Variants in SLCO3A1 observed in about 807,000 individuals in gnomAD.
The protein encoded by SLCO3A1 is PGE1 transporter.
In SLCO3A1, 27 loss-of-function variants were observed where a neutral mutation model predicts 63.1. The ratio of observed to expected loss-of-function variants is 0.43; its 90% CI spans 0.32 to 0.59. The LOEUF is 0.59. Ranked by LOEUF, SLCO3A1 falls within the 20% of genes least tolerant of loss-of-function variation. The pLI is 0.09. For missense variants in SLCO3A1, 773 were observed against 945.8 expected (o/e 0.82, Z 2.40); for synonymous variants, 473 against 409.9 (o/e 1.15, Z -1.86).
intron 2 of SLCO3A1, among the ~76,000 whole-genome samples, chr15:91,940,718 C>A (rs933883905): frequency 2.6e-5 from 4 of 152,142 alleles, no homozygotes; most frequent in African/African-American, 9.7e-5. Context: ...GAGTATTGAT[C>A]AGGGTTCAGG....
intron 4 of SLCO3A1, among the ~76,000 whole-genome samples, chr15:92,111,543 T>C (rs2151552461): frequency 6.6e-6 from 1 of 152,322 alleles, no homozygotes; most frequent in East Asian, 1.9e-4. Flanking sequence ...CATTCTGCCA[T>C]GTCACAGGAG....
intron 2 of SLCO3A1, among the ~76,000 whole-genome samples, chr15:92,016,258 A>ATAGATAGATAGAT (rs2046433257): frequency 1.6e-4 from 20 of 126,232 alleles, no homozygotes; most frequent in Admixed American, 3.9e-4. Context: ...GATAGATTAG[A>ATAGATAGATAGAT]TAGATAGATA....
At chr15:91,999,887 T>C (rs1376660728) in intron 2 of SLCO3A1, among the ~76,000 whole-genome samples, 7 of 152,176 alleles carry the variant, frequency 4.6e-5, no homozygotes, top group African/African-American at 1.4e-4. Context: ...TCGAAAACCA[T>C]AGATACAGGA....
In SLCO3A1 at chr15:91,875,185, A is replaced by G. The variant is rs188020396; in HGVS notation, c.180+21097A>G. 6.6e-6 allele frequency among the ~76,000 whole-genome samples: 1 copy of G among 152,336 alleles called. No homozygotes were observed. The highest frequency in any genetic ancestry group is 6.5e-5 in the Admixed American group (1 of 15,304). On this transcript the variant is annotated intron_variant, in intron 1 of 9. Transcript: ENST00000318445. The surrounding 1 kb of genome is among the most constrained non-coding windows in gnomAD (Gnocchi z 4.5). ...CAGTGATCTCTACCATTTACTGAGC[A>G]TCCGCTGTGTGTACCTGACACATGT...
At chr15:91,955,348 T>A (rs1900135845) in intron 2 of SLCO3A1, among the ~76,000 whole-genome samples, 1 of 140,780 alleles carries the variant, frequency 7.1e-6, no homozygotes, top group Admixed American at 7.4e-5. Flanking sequence ...TTTTTTTTTT[T>A]TTGAAACAGA....
chr15:92,096,226 C>T (rs1368750382), intron 3 of SLCO3A1, among the ~76,000 whole-genome samples: 1 of 152,240 alleles, frequency 6.6e-6, no homozygotes, highest in African/African-American at 2.4e-5. Context: ...ACTACCTCAC[C>T]GTGACACCCC....
chr15:91,986,698 G>C (rs999017640), intron 2 of SLCO3A1, among the ~76,000 whole-genome samples: 1 of 152,182 alleles, frequency 6.6e-6, no homozygotes, highest in Non-Finnish European at 1.5e-5. Flanking sequence ...GGCAGCCCCA[G>C]AGGGGATCAT....
chr15:92,073,044 C>A (rs1418375921), intron 2 of SLCO3A1, among the ~76,000 whole-genome samples: 2 of 152,146 alleles, frequency 1.3e-5, no homozygotes, highest in African/African-American at 4.8e-5. Context: ...GATCCCACCC[C>A]TTTCCCCCAT....
chr15:91,938,945 C>T (rs931549944), intron 2 of SLCO3A1, among the ~76,000 whole-genome samples: 2 of 152,180 alleles, frequency 1.3e-5, no homozygotes, highest in Middle Eastern at 3.2e-3. Context: ...ACTTTCTAAA[C>T]GTAGCTGGGA....
chr15:92,092,175 GA>G lies in SLCO3A1; in HGVS notation c.647-2705del, dbSNP rs531275144. ...CAACTGTACTGTCCCCAAGCATGGG[GA>G]TAACAGCACAGTCTCGATGCAACCC... is the stretch of plus-strand genomic sequence containing the variant. On this transcript the variant is annotated intron_variant, in intron 2 of 9. Transcript: ENST00000318445. 3.0e-4 allele frequency among the ~76,000 whole-genome samples: 45 copies of G among 152,248 alleles called. No individual in the cohort carries two copies. In the South Asian group the frequency reaches 9.3e-3, roughly 32 times the overall value.
intron 2 of SLCO3A1, among the ~76,000 whole-genome samples, chr15:91,917,511 C>G (rs751907303): frequency 6.6e-6 from 1 of 152,124 alleles, no homozygotes; most frequent in African/African-American, 2.4e-5. Flanking sequence ...TTGGAGTAGA[C>G]GCGTTTACTG....
At chr15:92,120,367 A>G (rs2047848838) in intron 4 of SLCO3A1, 98 bp from the exon 5 acceptor site, 1 of 1,274,860 alleles carries the variant, frequency 7.8e-7, no homozygotes, top group Non-Finnish European at 1.1e-6. Flanking sequence ...GAAATGGACA[A>G]GAGCGGGCCA....
At chr15:92,101,338 A>G (rs1469056493) in intron 3 of SLCO3A1, among the ~76,000 whole-genome samples, 2 of 152,054 alleles carry the variant, frequency 1.3e-5, no homozygotes, top group African/African-American at 2.4e-5. Context: ...GTGAAACCCC[A>G]TCTCTACCAA....
intron 2 of SLCO3A1, among the ~76,000 whole-genome samples, chr15:92,020,938 T>C (rs8043343): frequency 0.18 from 27,995 of 152,276 alleles, 2,775 homozygotes; most frequent in Non-Finnish European, 0.21. Context: ...GTAAAATTCC[T>C]GGCTTCATTG....
intron 2 of SLCO3A1, among the ~76,000 whole-genome samples, chr15:92,021,042 T>C (rs1251668929): frequency 6.6e-6 from 1 of 152,212 alleles, no homozygotes; most frequent in Non-Finnish European, 1.5e-5. Context: ...CTGAGGGTTG[T>C]AGTGAGGAGT....
chr15:92,065,897 A>C (rs2047145467), intron 2 of SLCO3A1, among the ~76,000 whole-genome samples: 1 of 152,212 alleles, frequency 6.6e-6, no homozygotes, highest in African/African-American at 2.4e-5. Context: ...GGAAGTTTAA[A>C]AGAAAAAAGG....
At chr15:92,123,923 G>A (rs1444859724) in intron 5 of SLCO3A1, among the ~76,000 whole-genome samples, 1 of 152,208 alleles carries the variant, frequency 6.6e-6, no homozygotes, top group African/African-American at 2.4e-5. Context: ...CTGTCTGCTG[G>A]TGTGCTTGGC....
intron 2 of SLCO3A1, among the ~76,000 whole-genome samples, chr15:92,030,392 G>A (rs1007062564): frequency 3.3e-5 from 5 of 152,180 alleles, no homozygotes; most frequent in African/African-American, 1.2e-4. Flanking sequence ...GCTCTGCAGT[G>A]GGGAAGGATG....
At chr15:91,873,487 T>A (rs74922348) in intron 1 of SLCO3A1, among the ~76,000 whole-genome samples, 3,133 of 151,908 alleles carry the variant, frequency 0.021, 84 homozygotes, top group African/African-American at 0.069. Context: ...ACTGACTAGT[T>A]GTTAAGATTT....
Sources: gnomAD v4.1 joint callset for allele counts (sites outside exome capture counted in the v4.1 genomes callset) on GRCh38, gnomAD v4.1.1 for gene constraint, Gnocchi (gnomAD v3.1) non-coding constraint, MANE v1.5 for transcripts, NCBI Gene and HGNC (gene_info 2026-07-23, HGNC 2026-07-21) for gene names.